The following SRFBP1 variants were observed in gnomAD, a reference collection of about 807,000 sequenced individuals.
SRFBP1 encodes the protein serum response factor binding protein 1, also known as serum response factor-binding protein 1.
Under a neutral mutation model 45.5 loss-of-function variants are expected in SRFBP1, and 47 were observed. That is an observed-to-expected ratio of 1.03 (90% CI 0.82 to 1.32). SRFBP1 has a LOEUF of 1.32. SRFBP1 is among the 40% of genes most tolerant of loss of function. The pLI is 0.00. For missense variants in SRFBP1, 621 were observed against 484.6 expected (o/e 1.28, Z -2.64); for synonymous variants, 203 against 166.3 (o/e 1.22, Z -1.70).
At chr5:121,990,984 A>C (rs1488464889) in intron 3 of SRFBP1, among the ~76,000 whole-genome samples, 1 of 151,986 alleles carries the variant, frequency 6.6e-6, no homozygotes, top group African/African-American at 2.4e-5. Context: ...TTTTTAGCCA[A>C]ATTAGGGCTT....
chr5:122,022,410 A>G lies in SRFBP1; in HGVS notation c.1105+3A>G, dbSNP rs1164349676. 1.2e-6 allele frequency: 2 copies of G among 1,609,774 alleles called. No homozygotes were observed. The highest frequency in any genetic ancestry group is 1.7e-5 in the Admixed American group (1 of 59,434). On this transcript the variant is annotated splice_donor_region_variant and intron_variant, in intron 7 of 7. Transcript: ENST00000339397. ...GGCTCCAAAAACAAGATCCCTAGGT[A>G]TGTATTCATAGTTGCCTGACCTTCA...
chr5:122,019,431 T>C (rs1753257728), intron 5 of SRFBP1, 90 bp downstream of exon 5: 1 of 985,086 alleles, frequency 1.0e-6, no homozygotes, highest in Non-Finnish European at 1.5e-6. Context: ...CTTGAGGTTC[T>C]ATTATAAATA....
At chr5:122,025,259 G>GT (rs1405522923) in intron 7 of SRFBP1, among the ~76,000 whole-genome samples, 1 of 152,072 alleles carries the variant, frequency 6.6e-6, no homozygotes, top group Non-Finnish European at 1.5e-5. Flanking sequence ...ATGGTTTCCA[G>GT]TTTCATCCAT....
At chr5:122,075,079 T>TA (rs1754578121) in intron 2 of SRFBP1, among the ~76,000 whole-genome samples, 1 of 152,242 alleles carries the variant, frequency 6.6e-6, no homozygotes, top group Non-Finnish European at 1.5e-5. Context: ...AAATGCTATT[T>TA]AATGCTAACT....
exon 3 of SRFBP1, chr5:122,075,400 T>G: frequency 6.2e-7 from 1 of 1,601,014 alleles, no homozygotes. Flanking sequence ...GCCCATTTAC[T>G]TACTGATGAC....
At chr5:121,980,743 A>G (rs1369628308) in intron 3 of SRFBP1, among the ~76,000 whole-genome samples, 4 of 152,092 alleles carry the variant, frequency 2.6e-5, no homozygotes, top group Admixed American at 2.6e-4. Context: ...TTTCTTGGCT[A>G]GGTTTTAACT....
At chr5:122,054,626 C>T (rs1223125087) in intron 2 of SRFBP1, among the ~76,000 whole-genome samples, 1 of 152,054 alleles carries the variant, frequency 6.6e-6, no homozygotes, top group Non-Finnish European at 1.5e-5. Flanking sequence ...TTTATTGATG[C>T]CTGCTATAGA....
chr5:122,022,408 G>C lies in SRFBP1; in HGVS notation c.1105+1G>C. On this transcript the variant is annotated splice_donor_variant, in intron 7 of 7. Transcript: ENST00000339397. LOFTEE classifies it high-confidence loss of function. Reference sequence around the variant, plus strand: ...CAGGCTCCAAAAACAAGATCCCTAGGTATGTATTCATAGTTGCCTGACCTT... The same window carrying C: ...CAGGCTCCAAAAACAAGATCCCTAGCTATGTATTCATAGTTGCCTGACCTT... The C allele has an allele frequency of 6.2e-7, 1 of 1,610,200 alleles. No individual in the cohort carries two copies. Among genetic ancestry groups the C allele is most frequent in the Non-Finnish European group, 8.5e-7 (1 of 1,178,532 alleles).
intron 4 of SRFBP1, among the ~76,000 whole-genome samples, chr5:122,007,326 G>C (rs895390059): frequency 6.6e-6 from 1 of 151,964 alleles, no homozygotes; most frequent in Non-Finnish European, 1.5e-5. Flanking sequence ...CCTGGACCCT[G>C]GGTCTGCTGG....
At chr5:121,985,267 T>C (rs1049743611) in intron 3 of SRFBP1, among the ~76,000 whole-genome samples, 2 of 151,854 alleles carry the variant, frequency 1.3e-5, no homozygotes, top group East Asian at 3.9e-4. Context: ...AATGAAACTT[T>C]ACAAATTATA....
chr5:122,009,598 A>G (rs1054233926), intron 4 of SRFBP1, among the ~76,000 whole-genome samples: 1 of 152,210 alleles, frequency 6.6e-6, no homozygotes, highest in Non-Finnish European at 1.5e-5. Flanking sequence ...AGATTCATGC[A>G]TAGTTCTTGG....
chr5:122,002,632 C>T (rs1200461734), intron 4 of SRFBP1, among the ~76,000 whole-genome samples: 1 of 152,070 alleles, frequency 6.6e-6, no homozygotes, highest in African/African-American at 2.4e-5. Flanking sequence ...TAGTTCATGG[C>T]AGTAATTATG....
intron 3 of SRFBP1, among the ~76,000 whole-genome samples, chr5:121,981,338 G>T (rs1752402484): frequency 1.3e-5 from 2 of 151,906 alleles, no homozygotes. Context: ...GATGAATTAG[G>T]TGTTTTTAAA....
chr5:121,977,847 C>A (rs1752334658), intron 3 of SRFBP1, among the ~76,000 whole-genome samples: 1 of 152,082 alleles, frequency 6.6e-6, no homozygotes, highest in Non-Finnish European at 1.5e-5. Context: ...TTGGCTTGAT[C>A]TTTACACTAT....
At chr5:122,049,370 A>G (rs927445649) in intron 2 of SRFBP1, among the ~76,000 whole-genome samples, 4 of 152,208 alleles carry the variant, frequency 2.6e-5, no homozygotes, top group Non-Finnish European at 4.4e-5. Flanking sequence ...ACCCAGATTC[A>G]TAAAGCAAGT....
chr5:122,017,104 C>G (rs1272738553), intron 4 of SRFBP1, among the ~76,000 whole-genome samples: 1 of 152,128 alleles, frequency 6.6e-6, no homozygotes, highest in Admixed American at 6.5e-5. Context: ...TGGCGGGTGC[C>G]TGTAGTCCCA....
chr5:122,008,067 G>T (rs1447879087), intron 4 of SRFBP1, among the ~76,000 whole-genome samples: 4 of 152,146 alleles, frequency 2.6e-5, no homozygotes, highest in African/African-American at 4.8e-5. Context: ...TGGAGGCTTA[G>T]TCTGAATGTA....
At chr5:121,995,884 C>A (rs1253858389) in intron 4 of SRFBP1, among the ~76,000 whole-genome samples, 1 of 152,060 alleles carries the variant, frequency 6.6e-6, no homozygotes, top group African/African-American at 2.4e-5. Context: ...ACTACAAACA[C>A]CTCTACGCAA....
At chr5:122,024,992 G>C (rs1753448080) in intron 7 of SRFBP1, among the ~76,000 whole-genome samples, 2 of 151,736 alleles carry the variant, frequency 1.3e-5, no homozygotes, top group African/African-American at 4.8e-5. Flanking sequence ...TTAAGTTTTA[G>C]AGTACATGTG....
Sources: gnomAD v4.1 joint callset for allele counts (sites outside exome capture counted in the v4.1 genomes callset) on GRCh38, gnomAD v4.1.1 for gene constraint, MANE v1.5 for transcripts, NCBI Gene and HGNC (gene_info 2026-07-23, HGNC 2026-07-21) for gene names.